CCDC170: variants seen among roughly 807,000 people sequenced by gnomAD.
CCDC170 encodes coiled-coil domain containing 170, also known as coiled-coil domain-containing protein 170.
CCDC170 carries 69 observed loss-of-function variants against 72.6 expected under a neutral mutation model. The observed-to-expected ratio is 0.95, with a 90% CI of 0.78 to 1.16. The LOEUF is 1.16. Ranked by LOEUF, CCDC170 falls within the 50% of genes most tolerant of loss-of-function variation. The pLI, the probability that CCDC170 is intolerant of heterozygous loss-of-function variation, is 0.00. For synonymous variants in CCDC170, 300 were observed against 303.9 expected, an observed-to-expected ratio of 0.99 and a Z score of 0.13; for missense variants, 852 against 832.5, an observed-to-expected ratio of 1.02 and a Z score of -0.29.
chr6:151,580,966 C>CTA (rs1776371666), intron 6 of CCDC170, among the ~76,000 whole-genome samples: 1 of 152,248 alleles, frequency 6.6e-6, no homozygotes, highest in Middle Eastern at 3.4e-3. Flanking sequence ...ATCTAAAAAA[C>CTA]AATATAGATA....
intron 6 of CCDC170, among the ~76,000 whole-genome samples, chr6:151,579,649 C>T (rs886526883): frequency 1.6e-4 from 24 of 152,070 alleles, no homozygotes; most frequent in Admixed American, 3.9e-4. Context: ...CACATTTGTC[C>T]CTTATTTGTT....
intron 1 of CCDC170, among the ~76,000 whole-genome samples, chr6:151,522,562 T>C (rs1782337861): frequency 6.6e-6 from 1 of 152,130 alleles, no homozygotes; most frequent in Non-Finnish European, 1.5e-5. Context: ...TGGGAATTAG[T>C]TTAGCCTGTG....
At chr6:151,531,420 T>C (rs9479059) in intron 1 of CCDC170, among the ~76,000 whole-genome samples, 71,324 of 151,938 alleles carry the variant, frequency 0.47, 18,880 homozygotes, top group Non-Finnish European at 0.6. Context: ...CTGGTCAACA[T>C]GGTGAAACCC....
chr6:151,505,632 C>A (rs1782056853), intron 1 of CCDC170, among the ~76,000 whole-genome samples: 1 of 151,414 alleles, frequency 6.6e-6, no homozygotes, highest in South Asian at 2.1e-4. Context: ...TGCAGTGAGC[C>A]GAGATGGCAC....
At chr6:151,500,388 G>A (rs1781978540) in intron 1 of CCDC170, among the ~76,000 whole-genome samples, 1 of 151,070 alleles carries the variant, frequency 6.6e-6, no homozygotes, top group Non-Finnish European at 1.5e-5. Context: ...AGAAACAGAA[G>A]GAATAGGGAA....
chr6:151,528,756 T>C (rs1181897173), intron 1 of CCDC170, among the ~76,000 whole-genome samples: 1 of 151,786 alleles, frequency 6.6e-6, no homozygotes, highest in African/African-American at 2.4e-5. Context: ...GAGAATCGCT[T>C]GAATACAGGA....
At chr6:151,600,743 A>C (rs2115125813) in intron 9 of CCDC170, among the ~76,000 whole-genome samples, 1 of 152,268 alleles carries the variant, frequency 6.6e-6, no homozygotes, top group Non-Finnish European at 1.5e-5. Flanking sequence ...AGAAATATTT[A>C]CATGCCATAA....
chr6:151,520,694 C>T (rs1782302653), intron 1 of CCDC170, among the ~76,000 whole-genome samples: 1 of 152,134 alleles, frequency 6.6e-6, no homozygotes, highest in Admixed American at 6.5e-5. Flanking sequence ...TTTTGCAGAC[C>T]CTGCACTTGA....
chr6:151,592,777 G>T lies in CCDC170; in HGVS notation c.1294-330G>T, dbSNP rs115490677. On this transcript the variant is annotated intron_variant, in intron 7 of 10. Transcript: ENST00000239374. ...TTAGCCTGAGAGGGGCATGGTTGCA[G>T]CAACAAGTTGTCGAAGCAGAGAGAT... is the stretch of plus-strand genomic sequence containing the variant. Among the ~76,000 whole-genome samples, 441 of 152,346 alleles carry T rather than the reference G, an allele frequency of 2.9e-3. 1 individual carries two copies. Among genetic ancestry groups the T allele is most frequent in the African/African-American group, 0.01 (430 of 41,578 alleles).
At chr6:151,541,875 T>C (rs1291676239) in intron 3 of CCDC170, among the ~76,000 whole-genome samples, 1 of 63,032 alleles carries the variant, frequency 1.6e-5, no homozygotes, top group Admixed American at 1.9e-4. Flanking sequence ...AATATATATA[T>C]ATATATATAT....
chr6:151,573,224 G>A lies in CCDC170; in HGVS notation c.825G>A (p.Lys275=). The A allele has an allele frequency of 6.2e-7, 1 of 1,614,092 alleles. No homozygotes were observed. The highest frequency in any genetic ancestry group is 8.5e-7 in the Non-Finnish European group (1 of 1,180,002). Residue 275 remains lysine (K), a synonymous_variant, in exon 6 of 11, where the codon AAG becomes AAA. Coordinates refer to ENST00000239374, the MANE Select transcript of CCDC170 (RefSeq NM_025059.4). Reference sequence around the variant, plus strand: ...AAGAAGCTCTTGAAAGGGAAGTTAAGATCTTCCAAGAAAGGCTGCTTGCTG... The same window carrying A: ...AAGAAGCTCTTGAAAGGGAAGTTAAAATCTTCCAAGAAAGGCTGCTTGCTG... The part of the protein sequence containing the change: ...EAKEALEREV[K]IFQERLLAGQ...
chr6:151,574,338 G>A (rs762461709), intron 6 of CCDC170, among the ~76,000 whole-genome samples: 9 of 152,332 alleles, frequency 5.9e-5, no homozygotes, highest in South Asian at 2.1e-4. Flanking sequence ...GCTGAATCCC[G>A]TCTCTGCTGT....
intron 5 of CCDC170, among the ~76,000 whole-genome samples, chr6:151,557,042 G>C (rs1489243302): frequency 6.6e-6 from 1 of 152,012 alleles, no homozygotes; most frequent in African/African-American, 2.4e-5. Context: ...TTCCATCCAT[G>C]TTCCTGCAAA....
chr6:151,521,154 T>C (rs1428766135), intron 1 of CCDC170, among the ~76,000 whole-genome samples: 3 of 152,172 alleles, frequency 2.0e-5, no homozygotes, highest in Non-Finnish European at 4.4e-5. Flanking sequence ...GATTCCTTCT[T>C]ACCCTCCCCA....
At chr6:151,546,710 G>A (rs967713773) in intron 4 of CCDC170, among the ~76,000 whole-genome samples, 20 of 152,174 alleles carry the variant, frequency 1.3e-4, no homozygotes, top group African/African-American at 4.6e-4. Context: ...ACTCTGCTTT[G>A]CTTATTCCTT....
intron 5 of CCDC170, among the ~76,000 whole-genome samples, chr6:151,552,799 T>G (rs1782903828): frequency 7.0e-6 from 1 of 143,128 alleles, no homozygotes; most frequent in Admixed American, 7.1e-5. Context: ...TTTTTTTTTT[T>G]TTTTTTTTGA....
intron 1 of CCDC170, among the ~76,000 whole-genome samples, chr6:151,522,103 C>T (rs928763686): frequency 8.6e-5 from 13 of 150,430 alleles, no homozygotes; most frequent in African/African-American, 2.2e-4. Context: ...GAGGTTGCAG[C>T]GAGCTGAGAT....
At chr6:151,596,721 A>T in intron 9 of CCDC170, 144 bp downstream of exon 9, 1 of 1,167,510 alleles carries the variant, frequency 8.6e-7, no homozygotes, top group Non-Finnish European at 1.2e-6. Context: ...GGAAAAATGC[A>T]AAAATGACAC....
At chr6:151,538,404 C>A in intron 3 of CCDC170, 103 bp downstream of exon 3, 1 of 1,164,496 alleles carries the variant, frequency 8.6e-7, no homozygotes, top group Non-Finnish European at 1.2e-6. Context: ...CATTACTTGG[C>A]CCTTAAACTC....
Sources: allele counts gnomAD v4.1 joint callset (sites outside exome capture counted in the v4.1 genomes callset), GRCh38; gene constraint gnomAD v4.1.1; transcripts MANE v1.5; gene names NCBI Gene and HGNC (gene_info 2026-07-23, HGNC 2026-07-21).